The following ZSWIM6 variants were observed in gnomAD, a reference collection of about 807,000 sequenced individuals.
ZSWIM6 encodes the protein zinc finger SWIM domain-containing protein 6.
ZSWIM6 carries 9 observed loss-of-function variants against 113.2 expected under a neutral mutation model. The observed-to-expected ratio is 0.08, with a 90% confidence interval of 0.05 to 0.14. ZSWIM6 has a LOEUF of 0.14. Among genes scored for constraint, ZSWIM6 ranks in the 10% least tolerant of loss-of-function variants. The pLI is 1.00. For synonymous variants in ZSWIM6, 611 were observed against 606.5 expected, an observed-to-expected ratio of 1.01 and a Z score of -0.11; for missense variants, 1,162 against 1,552.2, an observed-to-expected ratio of 0.75 and a Z score of 4.22.
chr5:61,501,856 C>A (rs1307088780), intron 4 of ZSWIM6, among the ~76,000 whole-genome samples: 1 of 152,154 alleles, frequency 6.6e-6, no homozygotes, highest in Non-Finnish European at 1.5e-5. Context: ...AATGTCATAG[C>A]GTTGGTATAA....
chr5:61,377,114 A>G (rs938794681), intron 1 of ZSWIM6, among the ~76,000 whole-genome samples: 1 of 152,228 alleles, frequency 6.6e-6, no homozygotes, highest in African/African-American at 2.4e-5. Context: ...TCAGTGAAAT[A>G]AAATATGAAG....
chr5:61,466,078 T>C (rs912336159), intron 1 of ZSWIM6, among the ~76,000 whole-genome samples: 6 of 152,194 alleles, frequency 3.9e-5, no homozygotes, highest in Non-Finnish European at 7.4e-5. Flanking sequence ...TGGGCCCTTA[T>C]GTTGTTTGTT....
At chr5:61,426,991 G>A (rs1746475040) in intron 1 of ZSWIM6, among the ~76,000 whole-genome samples, 1 of 152,060 alleles carries the variant, frequency 6.6e-6, no homozygotes. Context: ...TCACTATGTA[G>A]TTACTCTTTT....
chr5:61,409,750 G>A (rs563936843), intron 1 of ZSWIM6, among the ~76,000 whole-genome samples: 1 of 152,296 alleles, frequency 6.6e-6, no homozygotes, highest in South Asian at 2.1e-4. Context: ...TTTTTGTGGA[G>A]AGGGATATGT....
chr5:61,545,039 C>T lies in ZSWIM6; in HGVS notation c.*722C>T, dbSNP rs1218057106. 1 of 149,872 alleles carries T rather than the reference C, an allele frequency of 6.7e-6. No individual in the cohort carries two copies. Among genetic ancestry groups the T allele is most frequent in the Non-Finnish European group, 1.5e-5 (1 of 67,746 alleles). 9.3% of individuals were successfully genotyped at this position (149,872 alleles called of 1,614,324 possible). A position where few individuals can be genotyped will look rare whatever the true frequency, so the allele number is the denominator to read the frequency against. On this transcript the variant is annotated 3_prime_UTR_variant, in exon 14 of 14. Transcript: ENST00000252744. ...TTTATAAAAAATATTCTATGTAATG[C>T]AAAATACTTGAAGCTGCAGTAGCTT... is the stretch of plus-strand genomic sequence containing the variant.
At chr5:61,335,096 T>C (rs532737193) in intron 1 of ZSWIM6, among the ~76,000 whole-genome samples, 21 of 152,384 alleles carry the variant, frequency 1.4e-4, no homozygotes, top group African/African-American at 5.0e-4. Context: ...TTGCCTGCTT[T>C]CATCAGTGGA....
intron 1 of ZSWIM6, among the ~76,000 whole-genome samples, chr5:61,355,471 CA>C (rs1744882722): frequency 6.7e-6 from 1 of 149,866 alleles, no homozygotes; most frequent in Admixed American, 6.9e-5. Flanking sequence ...CACACACACA[CA>C]CACACACACA....
chr5:61,336,907 A>G (rs887681473), intron 1 of ZSWIM6, among the ~76,000 whole-genome samples: 2 of 152,254 alleles, frequency 1.3e-5, no homozygotes, highest in African/African-American at 2.4e-5. Flanking sequence ...GGATAACCCA[A>G]TAGGAAAATG....
At chr5:61,400,974 C>G (rs1745929711) in intron 1 of ZSWIM6, among the ~76,000 whole-genome samples, 1 of 152,210 alleles carries the variant, frequency 6.6e-6, no homozygotes, top group Non-Finnish European at 1.5e-5. Flanking sequence ...TTGTCTTGCT[C>G]TGAAGTCTTG....
chr5:61,334,854 A>G (rs1049205275), intron 1 of ZSWIM6, among the ~76,000 whole-genome samples: 2 of 148,992 alleles, frequency 1.3e-5, no homozygotes, highest in East Asian at 2.1e-4. Flanking sequence ...AACAAACTAG[A>G]GTCTGCGAAT....
intron 1 of ZSWIM6, among the ~76,000 whole-genome samples, chr5:61,348,850 C>G (rs779850234): frequency 1.3e-5 from 2 of 152,148 alleles, no homozygotes; most frequent in Non-Finnish European, 2.9e-5. Flanking sequence ...GGCATTCTGT[C>G]TCTCCAGTGA....
Position 61,543,405 on chromosome 5 carries a change from C to T in ZSWIM6, c.2786-50C>T. 6.6e-7 allele frequency: 1 copy of T among 1,508,524 alleles called. No individual in the cohort carries two copies. The highest frequency in any genetic ancestry group is 2.1e-5 in the Admixed American group (1 of 48,080). The allele number at this position is 1,508,524 out of a possible 1,614,324, so 93.4% of individuals were successfully genotyped here. On this transcript the variant is annotated intron_variant, in intron 13 of 13. Coordinates refer to ENST00000252744, the MANE Select transcript of ZSWIM6 (RefSeq NM_020928.2). This position sits in a 1 kb window ranked among gnomAD's most constrained non-coding sequence, Gnocchi z 4.3. Reference sequence around the variant, plus strand: ...TGTAAAAGTCAAAATAAGGCAGGACCTCTGGGCAGCCTCCTCGTCAGTAAT... The same window carrying T: ...TGTAAAAGTCAAAATAAGGCAGGACTTCTGGGCAGCCTCCTCGTCAGTAAT...
At chr5:61,436,503 T>C (rs1746710421) in intron 1 of ZSWIM6, among the ~76,000 whole-genome samples, 1 of 152,224 alleles carries the variant, frequency 6.6e-6, no homozygotes, top group South Asian at 2.1e-4. Flanking sequence ...CACTTATTTA[T>C]GGAAGCCCTA....
intron 7 of ZSWIM6, among the ~76,000 whole-genome samples, chr5:61,528,591 CTTT>C (rs577009372): frequency 3.5e-5 from 5 of 143,704 alleles, no homozygotes; most frequent in Admixed American, 1.4e-4. Flanking sequence ...CGTTTTTCCT[CTTT>C]TTTTTTTTTT....
intron 1 of ZSWIM6, among the ~76,000 whole-genome samples, chr5:61,356,154 G>T (rs1017252061): frequency 3.9e-5 from 6 of 152,170 alleles, no homozygotes; most frequent in Non-Finnish European, 5.9e-5. Context: ...AAGCTGGAGT[G>T]CAGTGTCAGA....
chr5:61,445,686 AATT>A (rs1746935663), intron 1 of ZSWIM6, among the ~76,000 whole-genome samples: 1 of 152,258 alleles, frequency 6.6e-6, no homozygotes. Context: ...TTCCATTAGA[AATT>A]GAAAAACATC....
intron 1 of ZSWIM6, among the ~76,000 whole-genome samples, chr5:61,453,230 T>G (rs1214229128): frequency 6.6e-6 from 1 of 152,204 alleles, no homozygotes; most frequent in Non-Finnish European, 1.5e-5. Flanking sequence ...CATAAAATTG[T>G]ATGTATTTTA....
At chr5:61,373,578 C>CT (rs1745310269) in intron 1 of ZSWIM6, among the ~76,000 whole-genome samples, 1 of 152,038 alleles carries the variant, frequency 6.6e-6, no homozygotes, top group African/African-American at 2.4e-5. Flanking sequence ...CTTATTTTCT[C>CT]TATTTCCACC....
intron 4 of ZSWIM6, among the ~76,000 whole-genome samples, chr5:61,504,175 TTTC>T (rs1461283720): frequency 1.3e-5 from 2 of 152,176 alleles, no homozygotes; most frequent in Admixed American, 1.3e-4. Flanking sequence ...AGTCCTCCAT[TTTC>T]TTCTTCTGCT....
Sources: gnomAD v4.1 joint callset for allele counts (sites outside exome capture counted in the v4.1 genomes callset) on GRCh38, gnomAD v4.1.1 for gene constraint, Gnocchi (gnomAD v3.1) non-coding constraint, MANE v1.5 for transcripts, NCBI Gene and HGNC (gene_info 2026-07-23, HGNC 2026-07-21) for gene names.